The following ALMS1 variants were observed in gnomAD, a reference collection of about 807,000 sequenced individuals.
ALMS1 encodes the protein ALMS1 centrosome and basal body associated protein, also known as centrosome-associated protein ALMS1.
In ALMS1, 271 loss-of-function variants were observed where a neutral mutation model predicts 352.2. The observed-to-expected ratio is 0.77, with a 90% CI of 0.70 to 0.85. The LOEUF (loss-of-function observed/expected upper bound fraction) is 0.85, where lower values mean the gene tolerates loss of function less well. Ranked by LOEUF, ALMS1 falls within the 40% of genes least tolerant of loss-of-function variation. The pLI is 0.00. For missense variants in ALMS1, 5,445 were observed against 4,870.7 expected, an observed-to-expected ratio of 1.12 and a Z score of -3.51; for synonymous variants, 1,865 against 1,761.2, an observed-to-expected ratio of 1.06 and a Z score of -1.48.
intron 16 of ALMS1, among the ~76,000 whole-genome samples, chr2:73,590,295 A>G (rs568489611): frequency 6.6e-6 from 1 of 152,280 alleles, no homozygotes; most frequent in Admixed American, 6.5e-5. Context: ...ATATTTAAAA[A>G]CTTGATTTAA....
intron 5 of ALMS1, among the ~76,000 whole-genome samples, chr2:73,425,874 T>C (rs562421276): frequency 2.5e-4 from 38 of 152,322 alleles, no homozygotes; most frequent in Non-Finnish European, 1.2e-4. Context: ...AATTACCCCC[T>C]AATGCTCTTC....
intron 7 of ALMS1, among the ~76,000 whole-genome samples, chr2:73,435,668 A>G (rs989404155): frequency 6.6e-6 from 1 of 151,600 alleles, no homozygotes; most frequent in African/African-American, 2.4e-5. Flanking sequence ...TGGCATGATC[A>G]TAGCTCACTC....
At chr2:73,423,089 C>A in intron 4 of ALMS1, 115 bp downstream of exon 4, 1 of 908,930 alleles carries the variant, frequency 1.1e-6, no homozygotes, top group Non-Finnish European at 1.8e-6. Context: ...ACTCTTAGGA[C>A]ACGCCCTGAA....
chr2:73,476,435 A>G (rs555579464), intron 9 of ALMS1, among the ~76,000 whole-genome samples: 2 of 152,196 alleles, frequency 1.3e-5, no homozygotes, highest in African/African-American at 4.8e-5. Flanking sequence ...TTCCTGGATC[A>G]TACAGTCATT....
rs1674321332 is a variant in ALMS1 at position 73,546,431 on chromosome 2, T to A, written c.9908-3836T>A. Among the ~76,000 whole-genome samples the A allele has an allele frequency of 2.0e-5, 3 of 152,226 alleles. 1 individual carries two copies. The highest frequency in any genetic ancestry group is 4.1e-4 in the South Asian group (2 of 4,832). ...ATTCAAACAATAGGTATTAAAGATG[T>A]TACTGTGTTCCACGCAGATACACTG... is the stretch of plus-strand genomic sequence containing the variant. On this transcript the variant is annotated intron_variant, in intron 12 of 22. Transcript: ENST00000613296.
chr2:73,521,598 AAAAT>A, intron 11 of ALMS1, among the ~76,000 whole-genome samples: 1 of 150,782 alleles, frequency 6.6e-6, no homozygotes, highest in African/African-American at 2.5e-5. Flanking sequence ...AAAAAAAAAA[AAAAT>A]AGCCGGACAC....
intron 7 of ALMS1, among the ~76,000 whole-genome samples, chr2:73,441,722 T>C (rs1003795059): frequency 6.6e-6 from 1 of 152,102 alleles, no homozygotes; most frequent in Non-Finnish European, 1.5e-5. Flanking sequence ...GTCATTGCCA[T>C]GTTGTTCTCC....
At chr2:73,596,860 C>CTTTTTTTTTTTTTTTTTTTTTTTTTTTT (rs70965740) in intron 16 of ALMS1, among the ~76,000 whole-genome samples, 15 of 104,246 alleles carry the variant, frequency 1.4e-4, no homozygotes, top group East Asian at 3.1e-4. Context: ...CCCTCTACCT[C>CTTTTTTTTTTTTTTTTTTTTTTTTTTTT]TTTTTTTTTT....
intron 12 of ALMS1, 70 bp from the exon 13 acceptor site, chr2:73,550,197 A>T: frequency 6.3e-7 from 1 of 1,585,586 alleles, no homozygotes; most frequent in Non-Finnish European, 8.6e-7. Flanking sequence ...TAAGAGGCAA[A>T]TTTTTAAAAA....
chr2:73,598,515 A>G (rs1001059780), intron 16 of ALMS1, among the ~76,000 whole-genome samples: 1 of 152,100 alleles, frequency 6.6e-6, no homozygotes, highest in Non-Finnish European at 1.5e-5. Context: ...TTCTGTTACA[A>G]GTTTCTTTGT....
chr2:73,475,815 T>G (rs1421631038), intron 9 of ALMS1, among the ~76,000 whole-genome samples: 1 of 152,132 alleles, frequency 6.6e-6, no homozygotes, highest in Non-Finnish European at 1.5e-5. Context: ...TAGTGTTTTC[T>G]TCTGAGAGAT....
At position 73,449,437 on chromosome 2, in the gene ALMS1, A is replaced by G. The variant is rs1404261160; in HGVS notation, c.2910A>G (p.Pro970=). Residue 970 remains proline, a synonymous_variant, in exon 8 of 23, where the codon CCA becomes CCG. Transcript: ENST00000613296. ...GTGTTTTCTACCAGCAAGAGTTGCC[A>G]GACAGTGATCTACCTAGAGAATCTC... The part of the protein sequence containing the change: ...KSSVFYQQEL[P]DSDLPRESLK... 1 of 1,614,068 alleles carries G rather than the reference A, an allele frequency of 6.2e-7. No individual in the cohort carries two copies. Among genetic ancestry groups the G allele is most frequent in the Non-Finnish European group, 8.5e-7 (1 of 1,179,972 alleles).
At chr2:73,590,451 A>T (rs1198837050) in intron 16 of ALMS1, among the ~76,000 whole-genome samples, 1 of 152,186 alleles carries the variant, frequency 6.6e-6, no homozygotes, top group Non-Finnish European at 1.5e-5. Flanking sequence ...ATATTCTGTA[A>T]CTGTAATGCA....
At chr2:73,467,731 C>T (rs1299668917) in intron 9 of ALMS1, among the ~76,000 whole-genome samples, 1 of 151,994 alleles carries the variant, frequency 6.6e-6, no homozygotes, top group African/African-American at 2.4e-5. Context: ...ATGCTTTATT[C>T]ATCCAGTGAA....
intron 16 of ALMS1, among the ~76,000 whole-genome samples, chr2:73,593,962 T>A (rs1185680900): frequency 1.3e-5 from 2 of 152,240 alleles, no homozygotes; most frequent in Non-Finnish European, 2.9e-5. Flanking sequence ...TATACCACAT[T>A]GTATCTATTC....
chr2:73,402,736 A>T (rs186448916), intron 1 of ALMS1, among the ~76,000 whole-genome samples: 2 of 152,218 alleles, frequency 1.3e-5, no homozygotes, highest in African/African-American at 4.8e-5. Context: ...GTGTGAGATG[A>T]TATTTCATTT....
At chr2:73,398,258 G>A (rs1167977962) in intron 1 of ALMS1, among the ~76,000 whole-genome samples, 2 of 152,076 alleles carry the variant, frequency 1.3e-5, no homozygotes, top group East Asian at 3.8e-4. Context: ...CCATTGTATT[G>A]CCTTCGTTTT....
intron 16 of ALMS1, among the ~76,000 whole-genome samples, chr2:73,580,415 C>T (rs1305666425): frequency 6.6e-6 from 1 of 152,072 alleles, no homozygotes; most frequent in Non-Finnish European, 1.5e-5. Context: ...CTATTTGATT[C>T]CTCTTTGTCT....
intron 16 of ALMS1, among the ~76,000 whole-genome samples, chr2:73,591,460 T>G (rs1280194128): frequency 6.6e-6 from 1 of 152,218 alleles, no homozygotes; most frequent in Non-Finnish European, 1.5e-5. Context: ...CTCCAATCAG[T>G]TAGAATTGGT....
Sources: allele counts gnomAD v4.1 joint callset (sites outside exome capture counted in the v4.1 genomes callset), GRCh38; gene constraint gnomAD v4.1.1; transcripts MANE v1.5; gene names NCBI Gene and HGNC (gene_info 2026-07-23, HGNC 2026-07-21).